The following CNTN6 variants were observed in gnomAD, a reference collection of about 807,000 sequenced individuals.
CNTN6 encodes contactin 6.
Under a neutral mutation model 122.8 loss-of-function variants are expected in CNTN6, and 137 were observed. That is an observed-to-expected ratio of 1.12 (90% CI 0.97 to 1.29). The LOEUF (loss-of-function observed/expected upper bound fraction) is 1.29, where lower values mean the gene tolerates loss of function less well. CNTN6 is among the 50% of genes most tolerant of loss of function. The pLI is 0.00. For synonymous variants in CNTN6, 570 were observed against 426.0 expected, an observed-to-expected ratio of 1.34 and a Z score of -4.16; for missense variants, 1,634 against 1,223.4, an observed-to-expected ratio of 1.34 and a Z score of -5.01.
chr3:1,129,880 T>C (rs936803751), intron 1 of CNTN6, among the ~76,000 whole-genome samples: 1 of 151,976 alleles, frequency 6.6e-6, no homozygotes, highest in African/African-American at 2.4e-5. Flanking sequence ...TATTCATTTG[T>C]ATAAAATAGT....
intron 4 of CNTN6, among the ~76,000 whole-genome samples, chr3:1,251,762 G>A: frequency 6.6e-6 from 1 of 152,100 alleles, no homozygotes; most frequent in Non-Finnish European, 1.5e-5. Context: ...AAAAAAGTAT[G>A]AGCTAGTATT....
In CNTN6 at chr3:1,133,848, C is replaced by A. The variant is rs527987073; in HGVS notation, c.-82-14079C>A. Among the ~76,000 whole-genome samples the A allele has an allele frequency of 2.0e-5, 3 of 152,204 alleles. No homozygotes were observed. In the South Asian group the frequency reaches 6.2e-4, roughly 32 times the overall value. On this transcript the variant is annotated intron_variant, in intron 1 of 22. Transcript: ENST00000446702. ...CATATTCTTCTTTCCTTCCTCGGAT[C>A]CTCTAAGTCTAATCAGTAGCCATCA...
intron 11 of CNTN6, among the ~76,000 whole-genome samples, chr3:1,348,386 A>T (rs940639499): frequency 6.6e-6 from 1 of 152,030 alleles, no homozygotes; most frequent in Non-Finnish European, 1.5e-5. Flanking sequence ...TAAGATATCT[A>T]TGGTTAAAAC....
At position 1,148,915 on chromosome 3, in the gene CNTN6, A is replaced by C. The variant is rs1022606882; in HGVS notation, c.55+852A>C. On this transcript the variant is annotated intron_variant, in intron 2 of 22. Transcript: ENST00000446702. ...CCTCTGTGAGTCTGGGTTCTTTTACATGGTGGCTGCTCAGGGTTCCAAGAA... is the reference window on the plus strand; with the variant it reads ...CCTCTGTGAGTCTGGGTTCTTTTACCTGGTGGCTGCTCAGGGTTCCAAGAA... 7.2e-5 allele frequency among the ~76,000 whole-genome samples: 11 copies of C among 152,274 alleles called. No individual in the cohort carries two copies. The South Asian group carries it at 8.3e-4, about 11-fold the overall frequency.
rs553246067 is a variant in CNTN6, at chr3:1,378,271, C to T, written c.2166+1196C>T. 6.6e-5 allele frequency among the ~76,000 whole-genome samples: 10 copies of T among 152,286 alleles called. No homozygotes were observed. The East Asian group carries it at 1.7e-3, about 27-fold the overall frequency. The stretch of plus-strand genomic sequence containing the variant: ...CCGTGGGCTGTCTGGATCTCTTCCC[C>T]ACTTTAAATTTCTCAGACATTTGTC... On this transcript the variant is annotated intron_variant, in intron 17 of 22. Coordinates refer to ENST00000446702, the MANE Select transcript of CNTN6 (RefSeq NM_001289080.2).
chr3:1,151,241 T>C (rs971424453), intron 2 of CNTN6, among the ~76,000 whole-genome samples: 2 of 152,204 alleles, frequency 1.3e-5, no homozygotes, highest in African/African-American at 4.8e-5. Context: ...TGGTACTTGG[T>C]AGGGATTCAG....
At chr3:1,397,541 T>C (rs915763588) in intron 20 of CNTN6, among the ~76,000 whole-genome samples, 1 of 151,858 alleles carries the variant, frequency 6.6e-6, no homozygotes, top group Admixed American at 6.6e-5. Flanking sequence ...ACTGCAAATA[T>C]ACTGTGATCC....
intron 2 of CNTN6, among the ~76,000 whole-genome samples, chr3:1,218,220 G>C (rs954533529): frequency 2.0e-5 from 3 of 152,092 alleles, no homozygotes; most frequent in Non-Finnish European, 4.4e-5. Flanking sequence ...CAGAGCCTGA[G>C]GAAGGGGAAG....
At position 1,147,929 on chromosome 3, in the gene CNTN6, T is replaced by TA; in HGVS notation, c.-80_-79insA. ...CATGACAATTTTGTCTTTTTCAGACTCTTGAGATACTGACTGGAAGATAGA... is the reference window on the plus strand; with the variant it reads ...CATGACAATTTTGTCTTTTTCAGACTACTTGAGATACTGACTGGAAGATAGA... On this transcript the variant is annotated 5_prime_UTR_variant, in exon 2 of 23. Transcript: ENST00000446702. 2.1e-6 allele frequency: 2 copies of TA among 973,148 alleles called. No individual in the cohort carries two copies. The highest frequency in any genetic ancestry group is 3.2e-6 in the Non-Finnish European group (2 of 616,300). The allele number at this position is 973,148 out of a possible 1,614,324, so 60.3% of individuals were successfully genotyped here.
Position 1,122,417 on chromosome 3 carries a change from G to T in CNTN6, c.-82-25510G>T, listed in dbSNP as rs574140200. On this transcript the variant is annotated intron_variant, in intron 1 of 22. Transcript: ENST00000446702. ...AGGAAAGAAGGGGTTCTCAACCAGC[G>T]GTGATTTAAAAACACAGTTTATTGA... Among the ~76,000 whole-genome samples the T allele has an allele frequency of 1.4e-4, 19 of 136,358 alleles. No homozygotes were observed. In the East Asian group the frequency reaches 3.7e-3, roughly 27 times the overall value. The allele number at this position is 136,358 out of a possible 152,430, so 89.5% of individuals were successfully genotyped here. A position where few individuals can be genotyped will look rare whatever the true frequency, so the allele number is the denominator to read the frequency against.
intron 7 of CNTN6, among the ~76,000 whole-genome samples, 167 bp from the exon 8 acceptor site, chr3:1,321,483 T>G (rs914149092): frequency 6.6e-6 from 1 of 151,792 alleles, no homozygotes; most frequent in African/African-American, 2.4e-5. Context: ...GTTAAATAAA[T>G]GACTGATTGA....
intron 7 of CNTN6, among the ~76,000 whole-genome samples, chr3:1,315,604 TTATTAA>T (rs1488701236): frequency 1.3e-5 from 2 of 152,142 alleles, no homozygotes; most frequent in East Asian, 3.9e-4. Flanking sequence ...CAGTTAATGA[TTATTAA>T]TATTATTTTA....
chr3:1,176,530 C>T (rs80285142), intron 2 of CNTN6, among the ~76,000 whole-genome samples: 36 of 152,020 alleles, frequency 2.4e-4, no homozygotes, highest in African/African-American at 6.8e-4. Flanking sequence ...CACAAAGATA[C>T]GAGGCAAACT....
intron 4 of CNTN6, among the ~76,000 whole-genome samples, chr3:1,277,070 AGAAATCTGG>A (rs1405521777): frequency 1.3e-5 from 2 of 152,198 alleles, no homozygotes; most frequent in African/African-American, 4.8e-5. Context: ...TTAGCTGCAA[AGAAATCTGG>A]GAAATGTGAT....
chr3:1,343,027 T>C (rs1252660032), intron 11 of CNTN6, among the ~76,000 whole-genome samples: 7 of 152,148 alleles, frequency 4.6e-5, no homozygotes, highest in Non-Finnish European at 5.9e-5. Flanking sequence ...CTCCTCTTCC[T>C]CCTTCTCCTC....
chr3:1,179,068 T>C (rs1424550585), intron 2 of CNTN6, among the ~76,000 whole-genome samples: 2 of 152,010 alleles, frequency 1.3e-5, no homozygotes, highest in Admixed American at 6.6e-5. Flanking sequence ...CTTCCACTCA[T>C]AGGGGAAGGC....
At chr3:1,280,873 G>A (rs185818431) in intron 5 of CNTN6, among the ~76,000 whole-genome samples, 1 of 152,156 alleles carries the variant, frequency 6.6e-6, no homozygotes, top group East Asian at 1.9e-4. Flanking sequence ...ATAACTGGCT[G>A]TTAAGGGACA....
At chr3:1,338,393 T>A (rs1373170161) in intron 11 of CNTN6, among the ~76,000 whole-genome samples, 1 of 152,100 alleles carries the variant, frequency 6.6e-6, no homozygotes, top group Non-Finnish European at 1.5e-5. Context: ...TTAAGGAACC[T>A]GAATTTGTGT....
intron 2 of CNTN6, among the ~76,000 whole-genome samples, chr3:1,207,919 A>G (rs1320531725): frequency 6.6e-6 from 1 of 151,870 alleles, no homozygotes; most frequent in African/African-American, 2.4e-5. Flanking sequence ...TCTTCCATTC[A>G]TCCCTAATAG....
Sources: allele counts gnomAD v4.1 joint callset (sites outside exome capture counted in the v4.1 genomes callset), GRCh38; gene constraint gnomAD v4.1.1; transcripts MANE v1.5; gene names NCBI Gene and HGNC (gene_info 2026-07-23, HGNC 2026-07-21).